Variants in UBXN4 observed in about 807,000 individuals in gnomAD.
UBXN4 encodes UBX domain-containing protein 4.
UBXN4 carries 35 observed loss-of-function variants against 66.2 expected under a neutral mutation model. The ratio of observed to expected loss-of-function variants is 0.53; its 90% CI spans 0.40 to 0.70. UBXN4 has a LOEUF of 0.70. Among genes scored for constraint, UBXN4 ranks in the 30% least tolerant of loss-of-function variants. The pLI is 0.00. For missense variants in UBXN4, 533 were observed against 599.8 expected, an observed-to-expected ratio of 0.89 and a Z score of 1.16; for synonymous variants, 203 against 204.5, an observed-to-expected ratio of 0.99 and a Z score of 0.06.
chr2:135,754,247 A>G lies in UBXN4; in HGVS notation c.303A>G (p.Glu101=), dbSNP rs1050115. Residue 101 remains glutamate (E), a synonymous_variant, in exon 4 of 13, where the codon GAA becomes GAG. Coordinates refer to ENST00000272638, the MANE Select transcript of UBXN4 (RefSeq NM_014607.4). ...EVIAGSVSAD[E]LVTRIHKVRQ... is the part of the protein sequence containing the mutation. Reference sequence around the variant, plus strand: ...TAGCAGGAAGTGTTTCTGCAGATGAACTTGTTACAAGAATTCACAAGGTCC... The same window carrying G: ...TAGCAGGAAGTGTTTCTGCAGATGAGCTTGTTACAAGAATTCACAAGGTCC... The G allele has an allele frequency of 0.15, 240,734 of 1,612,732 alleles. 22,459 individuals are homozygous for G. Among genetic ancestry groups the G allele is most frequent in the Middle Eastern group, 0.36 (2,187 of 6,052 alleles).
At chr2:135,781,762 C>T (rs2077451868) in intron 12 of UBXN4, among the ~76,000 whole-genome samples, 1 of 152,136 alleles carries the variant, frequency 6.6e-6, no homozygotes, top group African/African-American at 2.4e-5. Flanking sequence ...TAGGAGAGCT[C>T]GTTGTATGGA....
chr2:135,743,287 T>C (rs1226030273), intron 1 of UBXN4, among the ~76,000 whole-genome samples: 1 of 152,226 alleles, frequency 6.6e-6, no homozygotes, highest in African/African-American at 2.4e-5. Flanking sequence ...TTAGATTCTG[T>C]GATGCTGTCT....
At position 135,748,243 on chromosome 2, in the gene UBXN4, A is replaced by G. The variant is rs754308510; in HGVS notation, c.83-24A>G. ...CAATCAGCAGATCCCAGCCTGGTAT[A>G]AGAATTTTTGAAATGTTTTACAGGT... On this transcript the variant is annotated intron_variant, in intron 1 of 12. Coordinates refer to ENST00000272638, the MANE Select transcript of UBXN4 (RefSeq NM_014607.4). The G allele has an allele frequency of 3.3e-6, 5 of 1,523,556 alleles. No individual in the cohort carries two copies. The South Asian group carries it at 4.0e-5, about 12-fold the overall frequency. 94.4% of individuals were successfully genotyped at this position (1,523,556 alleles called of 1,614,324 possible).
chr2:135,774,949 G>A (rs1022117479), intron 9 of UBXN4, among the ~76,000 whole-genome samples: 7 of 151,992 alleles, frequency 4.6e-5, no homozygotes, highest in African/African-American at 1.7e-4. Flanking sequence ...AAGAACCTGT[G>A]ACTCAATTAT....
intron 1 of UBXN4, 119 bp downstream of exon 1, chr2:135,742,130 C>G (rs2077178569): frequency 8.3e-7 from 1 of 1,207,190 alleles, no homozygotes; most frequent in Non-Finnish European, 1.2e-6. Context: ...TCGGCTCGCA[C>G]AATTGCCACT....
chr2:135,784,117 C>T lies in UBXN4; in HGVS notation c.*1230C>T, dbSNP rs1400554136. 1 of 152,150 alleles carries T rather than the reference C, an allele frequency of 6.6e-6. No homozygotes were observed. Among genetic ancestry groups the T allele is most frequent in the Non-Finnish European group, 1.5e-5 (1 of 68,024 alleles). The allele number at this position is 152,150 out of a possible 1,614,324, so 9.4% of individuals were successfully genotyped here. A position where few individuals can be genotyped will look rare whatever the true frequency, so the allele number is the denominator to read the frequency against. The stretch of plus-strand genomic sequence containing the variant: ...CTGCGCTGTTGGTAGGAGTGAAAAC[C>T]AGTATAATTCTTCTGAAAAACATTT... On this transcript the variant is annotated 3_prime_UTR_variant, in exon 13 of 13. Transcript: ENST00000272638.
At chr2:135,770,822 A>G (rs2077378900) in intron 8 of UBXN4, 87 bp downstream of exon 8, 5 of 1,240,936 alleles carry the variant, frequency 4.0e-6, no homozygotes, top group East Asian at 6.2e-5. Flanking sequence ...ACACAAAAAT[A>G]GATTTTAGTG....
intron 2 of UBXN4, among the ~76,000 whole-genome samples, chr2:135,749,051 AAG>A (rs1002118938): frequency 6.6e-6 from 1 of 152,106 alleles, no homozygotes; most frequent in African/African-American, 2.4e-5. Context: ...AAAAAAAAAA[AAG>A]AATGTTTATG....
At position 135,780,106 on chromosome 2, in the gene UBXN4, A is replaced by C; in HGVS notation, c.1186-77A>C. 2.8e-6 allele frequency: 4 copies of C among 1,434,296 alleles called. No homozygotes were observed. The South Asian group carries it at 4.9e-5, about 18-fold the overall frequency. 88.8% of individuals were successfully genotyped at this position (1,434,296 alleles called of 1,614,324 possible). ...TGGTAGGACCTCCTTTTCCAGATAA[A>C]AGTTTCATCTGGAACCTTGGGCGTG... is the stretch of plus-strand genomic sequence containing the variant. On this transcript the variant is annotated intron_variant, in intron 11 of 12. Transcript: ENST00000272638.
chr2:135,753,494 A>G, intron 2 of UBXN4, 45 bp from the exon 3 acceptor site: 1 of 1,493,606 alleles, frequency 6.7e-7, no homozygotes, highest in Non-Finnish European at 8.8e-7. Flanking sequence ...GTATTTAGAA[A>G]ATACTTGCAT....
At chr2:135,778,862 TGTTA>T (rs2077433550) in intron 10 of UBXN4, 82 bp from the exon 11 acceptor site, 1 of 1,347,934 alleles carries the variant, frequency 7.4e-7, no homozygotes, top group East Asian at 2.5e-5. Context: ...ATTAAGGCAA[TGTTA>T]ATTAAAGCAT....
intron 9 of UBXN4, among the ~76,000 whole-genome samples, chr2:135,774,098 A>G (rs1198923238): frequency 6.6e-6 from 1 of 152,228 alleles, no homozygotes; most frequent in Non-Finnish European, 1.5e-5. Flanking sequence ...TAGATGACTC[A>G]TACTTCCTGA....
At chr2:135,769,256 A>G (rs2077367655) in intron 6 of UBXN4, among the ~76,000 whole-genome samples, 1 of 151,376 alleles carries the variant, frequency 6.6e-6, no homozygotes, top group Admixed American at 6.6e-5. Flanking sequence ...AGCCCTCCCA[A>G]AGTGCTGGGA....
At chr2:135,759,766 A>AT (rs10660396) in intron 5 of UBXN4, among the ~76,000 whole-genome samples, 3,907 of 93,352 alleles carry the variant, frequency 0.042, 333 homozygotes, top group African/African-American at 0.12. Context: ...TCAATCCAGA[A>AT]TTTTTTTTTT....
intron 5 of UBXN4, among the ~76,000 whole-genome samples, chr2:135,759,499 G>C (rs1459458079): frequency 6.6e-6 from 1 of 152,052 alleles, no homozygotes; most frequent in Non-Finnish European, 1.5e-5. Flanking sequence ...GGATTTTACT[G>C]CATCCCCATG....
At chr2:135,776,573 A>G (rs1201814892) in intron 10 of UBXN4, among the ~76,000 whole-genome samples, 2 of 152,118 alleles carry the variant, frequency 1.3e-5, no homozygotes, top group East Asian at 1.9e-4. Flanking sequence ...CTGATATTGT[A>G]TAATAGGTCC....
intron 7 of UBXN4, among the ~76,000 whole-genome samples, chr2:135,770,293 A>G (rs968139291): frequency 2.6e-5 from 4 of 152,324 alleles, no homozygotes; most frequent in Middle Eastern, 3.4e-3. Context: ...CGTGACTGCC[A>G]TGTTGTCCCT....
intron 9 of UBXN4, among the ~76,000 whole-genome samples, chr2:135,773,235 T>C (rs2077394474): frequency 6.6e-6 from 1 of 152,142 alleles, no homozygotes; most frequent in African/African-American, 2.4e-5. Flanking sequence ...GTGAATTTGG[T>C]TAGGCATAGC....
At position 135,782,910 on chromosome 2, in the gene UBXN4, A is replaced by G. The variant is rs764597151; in HGVS notation, c.*23A>G. On this transcript the variant is annotated 3_prime_UTR_variant, in exon 13 of 13. Coordinates refer to ENST00000272638, the MANE Select transcript of UBXN4 (RefSeq NM_014607.4). Reference sequence around the variant, plus strand: ...TAGTGTGACAAGTATAATATGTGCAATAATCATTGTTTCTCTTATGATTTA... The same window carrying G: ...TAGTGTGACAAGTATAATATGTGCAGTAATCATTGTTTCTCTTATGATTTA... 6.2e-5 allele frequency: 99 copies of G among 1,585,854 alleles called. No individual in the cohort carries two copies. The highest frequency in any genetic ancestry group is 8.4e-5 in the Non-Finnish European group (98 of 1,166,128).
Sources: gnomAD v4.1 joint callset for allele counts (sites outside exome capture counted in the v4.1 genomes callset) on GRCh38, gnomAD v4.1.1 for gene constraint, MANE v1.5 for transcripts, NCBI Gene and HGNC (gene_info 2026-07-23, HGNC 2026-07-21) for gene names.